WDR11: variants seen among roughly 807,000 people sequenced by gnomAD.
The protein encoded by WDR11 is WD repeat-containing protein 11.
Under a neutral mutation model 151.2 loss-of-function variants are expected in WDR11, and 83 were observed. The observed-to-expected ratio is 0.55, with a 90% CI of 0.46 to 0.66. The LOEUF (loss-of-function observed/expected upper bound fraction) is 0.66, where lower values mean the gene tolerates loss of function less well. WDR11 is among the 30% of genes least tolerant of loss of function. WDR11 has a pLI of 0.00. For missense variants in WDR11, 1,301 were observed against 1,480.9 expected, an observed-to-expected ratio of 0.88 and a Z score of 1.99; for synonymous variants, 484 against 533.1, an observed-to-expected ratio of 0.91 and a Z score of 1.27.
rs1482999978 is a variant in WDR11 at position 120,899,847 on chromosome 10, T to G, written c.2516-182T>G. 3 of 619,316 alleles carry G rather than the reference T, an allele frequency of 4.8e-6. No homozygotes were observed. In the East Asian group the frequency reaches 8.2e-5, roughly 17 times the overall value. The allele number at this position is 619,316 out of a possible 1,614,324, so 38.4% of individuals were successfully genotyped here. On this transcript the variant is annotated intron_variant, in intron 19 of 28. Transcript: ENST00000263461. The stretch of plus-strand genomic sequence containing the variant: ...GAAAAATATGTTAATCAGATTTGAA[T>G]GCAGAGACTCTCTCTGCTCTTGGCT...
rs556501353 is a variant in WDR11, at chr10:120,851,398, C to T, written c.-23C>T. On this transcript the variant is annotated 5_prime_UTR_variant, in exon 1 of 29. Coordinates refer to ENST00000263461, the MANE Select transcript of WDR11 (RefSeq NM_018117.12). ...CGCTTCCTGGTTGCGGGTCAGCGCCCAGGTCCTGGGCTGGCCGCCGGGATG... is the reference window on the plus strand; with the variant it reads ...CGCTTCCTGGTTGCGGGTCAGCGCCTAGGTCCTGGGCTGGCCGCCGGGATG... The T allele has an allele frequency of 1.4e-5, 23 of 1,601,132 alleles. No homozygotes were observed. The highest frequency in any genetic ancestry group is 2.0e-5 in the Non-Finnish European group (23 of 1,174,864).
At chr10:120,894,188 T>C (rs1223097373) in intron 19 of WDR11, among the ~76,000 whole-genome samples, 1 of 152,160 alleles carries the variant, frequency 6.6e-6, no homozygotes, top group Non-Finnish European at 1.5e-5. Context: ...GAATGAATTT[T>C]TGTATAAGGT....
chr10:120,883,796 G>A lies in WDR11; in HGVS notation c.1756G>A (p.Val586Ile), dbSNP rs562054895. ...VSHLKQYLAVVFRDKPLELWD... is the reference protein window; with the variant it reads ...VSHLKQYLAVIFRDKPLELWD... Reference sequence around the variant, plus strand: ...TTATTTTAGGCAGTATTTGGCAGTCGTATTCAGAGATAAACCCCTGGAGCT... The same window carrying A: ...TTATTTTAGGCAGTATTTGGCAGTCATATTCAGAGATAAACCCCTGGAGCT... The change falls in exon 14 of 29, where the codon GTA becomes ATA. Residue 586 changes from valine to isoleucine, a missense_variant. Around this residue, in one of 3 missense-constraint regions of WDR11, gnomAD observed 692 missense variants for 762.5 expected, o/e 0.91. Transcript: ENST00000263461. 45 of 1,613,350 alleles carry A rather than the reference G, an allele frequency of 2.8e-5. No individual in the cohort carries two copies. Among genetic ancestry groups the A allele is most frequent in the African/African-American group, 1.7e-4 (13 of 74,988 alleles).
At chr10:120,875,694 G>A (rs1428236910) in intron 11 of WDR11, among the ~76,000 whole-genome samples, 8 of 151,752 alleles carry the variant, frequency 5.3e-5, no homozygotes, top group Non-Finnish European at 1.0e-4. Flanking sequence ...TAGTAGAGAC[G>A]GGGTTTCACC....
rs556293250 is a variant in WDR11, at chr10:120,860,127, A to T, written c.371A>T (p.Asn124Ile). 5.6e-5 allele frequency: 90 copies of T among 1,614,064 alleles called. No homozygotes were observed. The highest frequency in any genetic ancestry group is 7.5e-5 in the Non-Finnish European group (88 of 1,180,040). ...TTTCCAGATGTTCAGTGGTTGTGGA[A>T]TCAAGATGCTTCCCGCGATTTACTG... ...KPIQDVQWLW[N>I]QDASRDLLLA... The change falls in exon 4 of 29, where the codon AAT becomes ATT. Residue 124 changes from asparagine to isoleucine, a missense_variant. Transcript: ENST00000263461.
At chr10:120,852,004 C>T (rs1055533157) in intron 1 of WDR11, 1 of 198,370 alleles carries the variant, frequency 5.0e-6, no homozygotes, top group Middle Eastern at 2.2e-3. Context: ...TTCAACAGGT[C>T]GTCTTTATTA....
chr10:120,908,636 G>C lies in WDR11; in HGVS notation c.3598G>C (p.Ala1200Pro). The C allele has an allele frequency of 1.2e-6, 2 of 1,614,184 alleles. No homozygotes were observed. The highest frequency in any genetic ancestry group is 1.1e-5 in the South Asian group (1 of 91,082). Residue 1200 changes from alanine (A) to proline (P), a missense_variant, in exon 29 of 29, where the codon GCT becomes CCT. By Grantham distance (27) the Ala-to-Pro change is conservative. Around this residue, in one of 3 missense-constraint regions of WDR11, gnomAD observed 589 missense variants for 670.6 expected, o/e 0.88. Coordinates refer to ENST00000263461, the MANE Select transcript of WDR11 (RefSeq NM_018117.12). The stretch of plus-strand genomic sequence containing the variant: ...TTTTAAGCAGGGAGCAGTTCTCTTT[G>C]CTTCAAAAGCCGGAGCAGCTGGCAA... ...LGFKQGAVLF[A>P]SKAGAAGKDL...
At chr10:120,855,866 A>G (rs1845927608) in intron 2 of WDR11, among the ~76,000 whole-genome samples, 1 of 152,150 alleles carries the variant, frequency 6.6e-6, no homozygotes, top group African/African-American at 2.4e-5. Context: ...GCCATGTTGC[A>G]TTGGCTAGGA....
intron 13 of WDR11, among the ~76,000 whole-genome samples, chr10:120,883,131 G>C (rs1847083171): frequency 6.6e-6 from 1 of 152,058 alleles, no homozygotes; most frequent in African/African-American, 2.4e-5. Flanking sequence ...TCTACTTTCT[G>C]TTGGGGTCAC....
In WDR11 at chr10:120,904,762, C is replaced by T. The variant is rs759920512; in HGVS notation, c.3144C>T (p.Ser1048=). The T allele has an allele frequency of 1.7e-5, 28 of 1,614,044 alleles. No individual in the cohort carries two copies. Among genetic ancestry groups the T allele is most frequent in the Non-Finnish European group, 2.4e-5 (28 of 1,180,044 alleles). The change falls in exon 25 of 29, where the codon AGC becomes AGT. Residue 1048 remains serine (S), a synonymous_variant. Transcript: ENST00000263461. ...TTVTSSGPSQ[S]TIKLVATNMI... Reference sequence around the variant, plus strand: ...TCACCTCGTCAGGCCCCTCTCAGAGCACCATTAAGTTGGTGGCAACGAATA... The same window carrying T: ...TCACCTCGTCAGGCCCCTCTCAGAGTACCATTAAGTTGGTGGCAACGAATA...
chr10:120,866,907 A>C, intron 8 of WDR11, 143 bp downstream of exon 8: 3 of 1,095,918 alleles, frequency 2.7e-6, no homozygotes, highest in Non-Finnish European at 4.0e-6. Flanking sequence ...ATTATTAGGG[A>C]ATTATGTAAA....
chr10:120,872,138 G>A (rs1846568092), intron 10 of WDR11, among the ~76,000 whole-genome samples: 1 of 152,062 alleles, frequency 6.6e-6, no homozygotes, highest in Non-Finnish European at 1.5e-5. Flanking sequence ...TATTTATTCT[G>A]TGGCCAACAT....
intron 16 of WDR11, among the ~76,000 whole-genome samples, chr10:120,888,187 A>C (rs1391102841): frequency 6.6e-6 from 1 of 152,228 alleles, no homozygotes; most frequent in African/African-American, 2.4e-5. Context: ...ATATTATTTA[A>C]TAGCTAACAT....
In WDR11 at chr10:120,886,729, A is replaced by T. The variant is rs772646678; in HGVS notation, c.2014A>T (p.Asn672Tyr). Residue 672 changes from asparagine (N) to tyrosine (Y), a missense_variant, in exon 16 of 29, where the codon AAC becomes TAC. Coordinates refer to ENST00000263461, the MANE Select transcript of WDR11 (RefSeq NM_018117.12). The part of the protein sequence containing the change: ...EAESKSELSQ[N>Y]ISAREHFVFT... Reference sequence around the variant, plus strand: ...AGAAAGTAAATCTGAACTTAGTCAGAACATCTCTGCCCGGGAACATTTTGT... The same window carrying T: ...AGAAAGTAAATCTGAACTTAGTCAGTACATCTCTGCCCGGGAACATTTTGT... The T allele has an allele frequency of 6.8e-6, 11 of 1,613,940 alleles. No individual in the cohort carries two copies. In the African/African-American group the frequency reaches 1.2e-4, roughly 18 times the overall value.
In WDR11 at chr10:120,906,424, G is replaced by C. The variant is rs1055031802; in HGVS notation, c.3438-352G>C. On this transcript the variant is annotated intron_variant, in intron 27 of 28. Coordinates refer to ENST00000263461, the MANE Select transcript of WDR11 (RefSeq NM_018117.12). ...AGAGGAACAACCATCACTAATTGTGGAGCATTTCATTTATTCAAAACTAAG... is the reference window on the plus strand; with the variant it reads ...AGAGGAACAACCATCACTAATTGTGCAGCATTTCATTTATTCAAAACTAAG... The C allele has an allele frequency of 4.0e-6, 5 of 1,245,192 alleles. No homozygotes were observed. In the Admixed American group the frequency reaches 1.8e-4, roughly 44 times the overall value. 77.1% of individuals were successfully genotyped at this position (1,245,192 alleles called of 1,614,324 possible).
intron 1 of WDR11, 34 bp from the exon 2 acceptor site, chr10:120,852,490 C>A: frequency 6.3e-7 from 1 of 1,581,508 alleles, no homozygotes; most frequent in South Asian, 1.1e-5. Context: ...CTGCTTTGTT[C>A]TGTACTTAAA....
chr10:120,854,307 C>T (rs1421157001), intron 2 of WDR11, among the ~76,000 whole-genome samples: 1 of 152,182 alleles, frequency 6.6e-6, no homozygotes, highest in Non-Finnish European at 1.5e-5. Flanking sequence ...TGACTTCTTT[C>T]ACTTAGGATA....
intron 19 of WDR11, among the ~76,000 whole-genome samples, chr10:120,896,265 T>C (rs1017493547): frequency 5.9e-5 from 9 of 152,280 alleles, no homozygotes; most frequent in Non-Finnish European, 1.0e-4. Context: ...CACGTTTGCT[T>C]ACTAAAACAC....
At chr10:120,869,203 C>A (rs890755363) in intron 9 of WDR11, among the ~76,000 whole-genome samples, 1 of 150,590 alleles carries the variant, frequency 6.6e-6, no homozygotes, top group African/African-American at 2.4e-5. Flanking sequence ...CTCCGCCTCC[C>A]GGGTTCACGC....
Sources: gnomAD v4.1 joint callset for allele counts (sites outside exome capture counted in the v4.1 genomes callset) on GRCh38, gnomAD v4.1.1 for gene constraint, gnomAD v4.1.1 regional missense constraint, MANE v1.5 for transcripts, NCBI Gene and HGNC (gene_info 2026-07-23, HGNC 2026-07-21) for gene names.